The following ANTXR1 variants were observed in gnomAD, a reference collection of about 807,000 sequenced individuals.
The protein encoded by ANTXR1 is anthrax toxin receptor 1.
ANTXR1 carries 19 observed loss-of-function variants against 78.1 expected under a neutral mutation model. That is an observed-to-expected ratio of 0.24 (90% CI 0.17 to 0.36). ANTXR1 has a LOEUF of 0.36. Ranked by LOEUF, ANTXR1 falls within the 10% of genes least tolerant of loss-of-function variation. The pLI is 1.00. For missense variants in ANTXR1, 518 were observed against 718.6 expected (o/e 0.72, Z 3.19); for synonymous variants, 273 against 260.5 (o/e 1.05, Z -0.46).
chr2:69,212,457 G>A (rs1398436623), intron 17 of ANTXR1, among the ~76,000 whole-genome samples: 1 of 152,216 alleles, frequency 6.6e-6, no homozygotes, highest in East Asian at 1.9e-4. Flanking sequence ...TAGCTGCAGG[G>A]CAGTGCCCAT....
intron 8 of ANTXR1, among the ~76,000 whole-genome samples, chr2:69,087,087 G>C (rs900409754): frequency 6.6e-6 from 1 of 152,150 alleles, no homozygotes; most frequent in African/African-American, 2.4e-5. Flanking sequence ...TTTTACAGCA[G>C]AGGAAACTGA....
At chr2:69,174,106 A>G (rs1167124979) in intron 14 of ANTXR1, among the ~76,000 whole-genome samples, 1 of 152,198 alleles carries the variant, frequency 6.6e-6, no homozygotes, top group Admixed American at 6.5e-5. Flanking sequence ...AACTACCCAA[A>G]CTGGAGACAT....
At chr2:69,113,535 A>G (rs1004293738) in intron 10 of ANTXR1, among the ~76,000 whole-genome samples, 1 of 152,236 alleles carries the variant, frequency 6.6e-6, no homozygotes, top group Admixed American at 6.5e-5. Flanking sequence ...GCCAGCAAGC[A>G]TCCCACAGCA....
chr2:69,109,789 A>G (rs2104340017), intron 10 of ANTXR1, among the ~76,000 whole-genome samples: 1 of 152,346 alleles, frequency 6.6e-6, no homozygotes, highest in Non-Finnish European at 1.5e-5. Flanking sequence ...GGTGGGAAGG[A>G]TGTGTTAAAC....
At chr2:69,226,243 C>A (rs917136538) in intron 17 of ANTXR1, among the ~76,000 whole-genome samples, 1 of 152,180 alleles carries the variant, frequency 6.6e-6, no homozygotes, top group African/African-American at 2.4e-5. Flanking sequence ...TTTTCCTGGA[C>A]TGTCTGGATT....
At chr2:69,066,488 C>T (rs1247229936) in intron 3 of ANTXR1, among the ~76,000 whole-genome samples, 3 of 151,742 alleles carry the variant, frequency 2.0e-5, no homozygotes, top group East Asian at 1.9e-4. Flanking sequence ...TTTTTTCTTA[C>T]GTGTTCATCT....
chr2:69,088,227 T>C (rs1387365915), intron 8 of ANTXR1, among the ~76,000 whole-genome samples: 1 of 152,164 alleles, frequency 6.6e-6, no homozygotes, highest in Non-Finnish European at 1.5e-5. Flanking sequence ...CCTTTACCAA[T>C]CCCTGGTTAA....
chr2:69,183,585 T>G (rs1167822616), intron 16 of ANTXR1, among the ~76,000 whole-genome samples: 36 of 140,810 alleles, frequency 2.6e-4, no homozygotes, highest in African/African-American at 8.1e-4. Context: ...TTTTTTTTTT[T>G]TTTTTTTTTT....
At position 69,124,530 on chromosome 2, in the gene ANTXR1, C is replaced by A. The variant is rs146246869; in HGVS notation, c.873-35C>A. 423 of 1,600,516 alleles carry A rather than the reference C, an allele frequency of 2.6e-4. 1 individual carries two copies. The African/African-American group carries it at 5.0e-3, about 19-fold the overall frequency. ...CTCAGCCTGTTGCTCATTGCACGCC[C>A]TGCTGAGAGTCTGCTTCCCTTGTTG... On this transcript the variant is annotated intron_variant, in intron 11 of 17. Transcript: ENST00000303714.
At chr2:69,116,892 G>C (rs531690659) in intron 10 of ANTXR1, among the ~76,000 whole-genome samples, 1 of 152,314 alleles carries the variant, frequency 6.6e-6, no homozygotes, top group African/African-American at 2.4e-5. Flanking sequence ...ATTGGCTAAT[G>C]AATTTCAACC....
chr2:69,172,238 T>C (rs1230604069), intron 14 of ANTXR1: 2 of 721,212 alleles, frequency 2.8e-6, no homozygotes, highest in East Asian at 2.6e-5. Context: ...ACTGGAGACC[T>C]AGGCAATAAA....
At chr2:69,184,081 ACAGC>A (rs1674360085) in intron 16 of ANTXR1, among the ~76,000 whole-genome samples, 1 of 151,964 alleles carries the variant, frequency 6.6e-6, no homozygotes, top group Admixed American at 6.6e-5. Context: ...ACACACACAC[ACAGC>A]CTTACCCCCC....
intron 6 of ANTXR1, among the ~76,000 whole-genome samples, chr2:69,073,419 C>T (rs1670632270): frequency 6.6e-6 from 1 of 151,968 alleles, no homozygotes; most frequent in Admixed American, 6.6e-5. Flanking sequence ...CACTTGTAAA[C>T]AAATAAACAT....
At position 69,013,452 on chromosome 2, in the gene ANTXR1, C is replaced by CGCGGAGCGTGGGAAGGA. The variant is rs1558725962; in HGVS notation, c.-42_-26dup. On this transcript the variant is annotated 5_prime_UTR_variant, in exon 1 of 18. Coordinates refer to ENST00000303714, the MANE Select transcript of ANTXR1 (RefSeq NM_032208.3). The surrounding 1 kb of genome is among the most constrained non-coding windows in gnomAD (Gnocchi z 5.0). ...GCGTCCCTGAGGGTCGTGGCGAGTTCGCGGAGCGTGGGAAGGAGCGGACCC... is the reference window on the plus strand; with the variant it reads ...GCGTCCCTGAGGGTCGTGGCGAGTTCGCGGAGCGTGGGAAGGAGCGGAGCGTGGGAAGGAGCGGACCC... The CGCGGAGCGTGGGAAGGA allele has an allele frequency of 6.3e-7, 1 of 1,575,688 alleles. No homozygotes were observed. The highest frequency in any genetic ancestry group is 1.9e-5 in the Admixed American group (1 of 52,318).
chr2:69,116,871 T>C (rs1558565143), intron 10 of ANTXR1, among the ~76,000 whole-genome samples: 1 of 152,242 alleles, frequency 6.6e-6, no homozygotes, highest in Non-Finnish European at 1.5e-5. Context: ...TTTTCTCTGA[T>C]TGGTGTTTGA....
At chr2:69,161,923 G>A (rs914742734) in intron 13 of ANTXR1, among the ~76,000 whole-genome samples, 2 of 152,090 alleles carry the variant, frequency 1.3e-5, no homozygotes, top group Non-Finnish European at 2.9e-5. Flanking sequence ...AGGACATACA[G>A]TGCTTTAAAT....
intron 8 of ANTXR1, among the ~76,000 whole-genome samples, chr2:69,087,547 C>T (rs905906628): frequency 2.0e-5 from 3 of 152,186 alleles, no homozygotes; most frequent in Non-Finnish European, 4.4e-5. Context: ...CAGGTAAATA[C>T]GGACCAGGGC....
At chr2:69,239,351 C>T (rs902221201) in intron 17 of ANTXR1, among the ~76,000 whole-genome samples, 1 of 152,140 alleles carries the variant, frequency 6.6e-6, no homozygotes, top group African/African-American at 2.4e-5. Flanking sequence ...GGCGGATCAC[C>T]TGAGGTCAGG....
intron 14 of ANTXR1, among the ~76,000 whole-genome samples, chr2:69,171,232 C>T (rs1558619473): frequency 6.6e-6 from 1 of 152,190 alleles, no homozygotes; most frequent in African/African-American, 2.4e-5. Context: ...TTCCATGTGG[C>T]TCTTATATCC....
Sources: allele counts gnomAD v4.1 joint callset (sites outside exome capture counted in the v4.1 genomes callset), GRCh38; gene constraint gnomAD v4.1.1; non-coding constraint Gnocchi (gnomAD v3.1); transcripts MANE v1.5; gene names NCBI Gene and HGNC (gene_info 2026-07-23, HGNC 2026-07-21).